Variants in MMP2 observed in about 807,000 individuals in gnomAD.
MMP2 encodes matrix metallopeptidase 2, also known as 72 kDa type IV collagenase.
Under a neutral mutation model 74.8 loss-of-function variants are expected in MMP2, and 39 were observed. The observed-to-expected ratio is 0.52, with a 90% CI of 0.40 to 0.68. The LOEUF (loss-of-function observed/expected upper bound fraction) is 0.68. Ranked by LOEUF, MMP2 falls within the 30% of genes least tolerant of loss-of-function variation. MMP2 has a pLI of 0.00. For synonymous variants in MMP2, 367 were observed against 339.8 expected (o/e 1.08, Z -0.88); for missense variants, 803 against 878.3 (o/e 0.91, Z 1.08).
chr16:55,496,382 A>G (rs1962529025), intron 9 of MMP2, among the ~76,000 whole-genome samples: 1 of 152,252 alleles, frequency 6.6e-6, no homozygotes, highest in African/African-American at 2.4e-5. Flanking sequence ...AATGCTAGGT[A>G]GACCATCCAG....
intron 11 of MMP2, among the ~76,000 whole-genome samples, chr16:55,500,538 C>CACACACACACACACACACACACACAG (rs1227112652): frequency 2.7e-5 from 4 of 147,620 alleles, no homozygotes; most frequent in African/African-American, 9.9e-5. Flanking sequence ...CACACACACA[C>CACACACACACACACACACACACACAG]AGGCATGGAG....
intron 12 of MMP2, among the ~76,000 whole-genome samples, chr16:55,505,019 A>G (rs1221424228): frequency 2.6e-5 from 4 of 151,776 alleles, no homozygotes; most frequent in Non-Finnish European, 5.9e-5. Flanking sequence ...AGGCACAATC[A>G]TAGCTCACTG....
intron 12 of MMP2, among the ~76,000 whole-genome samples, chr16:55,504,497 C>T (rs1400319359): frequency 6.6e-6 from 1 of 152,104 alleles, no homozygotes; most frequent in Non-Finnish European, 1.5e-5. Context: ...AATCTTTATC[C>T]TCATCTTAGA....
At chr16:55,503,853 G>A (rs569436024) in intron 12 of MMP2, among the ~76,000 whole-genome samples, 1 of 152,072 alleles carries the variant, frequency 6.6e-6, no homozygotes, top group Non-Finnish European at 1.5e-5. Context: ...AATTATTGGC[G>A]GGCAAGATTA....
chr16:55,488,859 T>C, intron 6 of MMP2, 143 bp downstream of exon 6: 2 of 865,394 alleles, frequency 2.3e-6, no homozygotes, highest in Admixed American at 2.1e-5. Context: ...CACACCAAGA[T>C]GTCCGTGTAG....
chr16:55,497,212 T>C, intron 10 of MMP2, 150 bp downstream of exon 10: 3 of 1,113,964 alleles, frequency 2.7e-6, no homozygotes, highest in South Asian at 1.3e-5. Context: ...TCTTTCAACA[T>C]TATTTCCTGA....
At chr16:55,492,348 G>C (rs1255688845) in intron 8 of MMP2, among the ~76,000 whole-genome samples, 1 of 151,942 alleles carries the variant, frequency 6.6e-6, no homozygotes, top group African/African-American at 2.4e-5. Flanking sequence ...ACAATACGGG[G>C]GTGGAAGTTT....
In MMP2 at chr16:55,498,458, G is replaced by A. The variant is rs201956873; in HGVS notation, c.1769+10G>A. The A allele has an allele frequency of 5.5e-4, 895 of 1,614,150 alleles. 13 individuals are homozygous for A. In the South Asian group the frequency reaches 5.9e-3, roughly 11 times the overall value. On this transcript the variant is annotated intron_variant, in intron 11 of 12. Coordinates refer to ENST00000219070, the MANE Select transcript of MMP2 (RefSeq NM_004530.6). ...GAGACAAATTCTGGAGGTAAGGGAG[G>A]GCGGTGGGTAGGACAGCAGCACAGT... is the stretch of plus-strand genomic sequence containing the variant.
chr16:55,485,446 G>T lies in MMP2; in HGVS notation c.658+19G>T. On this transcript the variant is annotated intron_variant, in intron 4 of 12. Coordinates refer to ENST00000219070, the MANE Select transcript of MMP2 (RefSeq NM_004530.6). ...GGCCAAGGTGAGAAAGGGGCCCTCT[G>T]CATGCCCCAGACCTTCTCTCCTGTC... 1 of 1,614,066 alleles carries T rather than the reference G, an allele frequency of 6.2e-7. No homozygotes were observed. Among genetic ancestry groups the T allele is most frequent in the Non-Finnish European group, 8.5e-7 (1 of 1,180,000 alleles).
chr16:55,489,242 G>A lies in MMP2; in HGVS notation c.1007-409G>A, dbSNP rs576536246. ...GCAGCATACACAGAGGTTGGTCTCT[G>A]CAAAGCCCTGCCCAAGGGGGCTCAC... On this transcript the variant is annotated intron_variant, in intron 6 of 12. Transcript: ENST00000219070. Among the ~76,000 whole-genome samples, 50 of 152,320 alleles carry A rather than the reference G, an allele frequency of 3.3e-4. 1 individual carries two copies. The highest frequency in any genetic ancestry group is 1.2e-3 in the South Asian group (6 of 4,824).
rs17859978 is a variant in MMP2 at position 55,497,691 on chromosome 16, A to G, written c.1610-598A>G. On this transcript the variant is annotated intron_variant, in intron 10 of 12. Coordinates refer to ENST00000219070, the MANE Select transcript of MMP2 (RefSeq NM_004530.6). ...TCATCAAGGTGAGGTCTGTATGGCT[A>G]AGGTTTACTCATTTAACATTTATTG... is the stretch of plus-strand genomic sequence containing the variant. Among the ~76,000 whole-genome samples, 1,034 of 152,350 alleles carry G rather than the reference A, an allele frequency of 6.8e-3. 10 individuals carry two copies. Among genetic ancestry groups the G allele is most frequent in the African/African-American group, 0.024 (982 of 41,576 alleles).
chr16:55,486,150 C>A (rs545952428), intron 5 of MMP2, among the ~76,000 whole-genome samples: 2 of 152,058 alleles, frequency 1.3e-5, no homozygotes, highest in African/African-American at 4.8e-5. Flanking sequence ...ACACTTCAGT[C>A]AAGATTGATA....
chr16:55,484,022 T>C lies in MMP2; in HGVS notation c.387T>C (p.Ile129=). The part of the protein sequence containing the change: ...WDKNQITYRI[I]GYTPDLDPET... The stretch of plus-strand genomic sequence containing the variant: ...GCAGTTCTACCACCTCCAGGATCAT[T>C]GGCTACACACCTGATCTGGACCCAG... Residue 129 remains isoleucine, a synonymous_variant, in exon 3 of 13, where the codon ATT becomes ATC. Coordinates refer to ENST00000219070, the MANE Select transcript of MMP2 (RefSeq NM_004530.6). 10 of 1,614,214 alleles carry C rather than the reference T, an allele frequency of 6.2e-6. No individual in the cohort carries two copies. Among genetic ancestry groups the C allele is most frequent in the Non-Finnish European group, 8.5e-6 (10 of 1,180,028 alleles).
In MMP2 at chr16:55,496,919, C is replaced by T; in HGVS notation, c.1473-7C>T. On this transcript the variant is annotated splice_region_variant and splice_polypyrimidine_tract_variant and intron_variant, in intron 9 of 12. Transcript: ENST00000219070. The stretch of plus-strand genomic sequence containing the variant: ...GTGGTTTCCTGTGCCCCCTTGCCTC[C>T]TGCCAGGTTCATTTGGCGGACTGTG... 6.2e-7 allele frequency: 1 copy of T among 1,613,870 alleles called. No homozygotes were observed. Among genetic ancestry groups the T allele is most frequent in the Non-Finnish European group, 8.5e-7 (1 of 1,180,036 alleles).
At chr16:55,497,164 A>G (rs1010964700) in intron 10 of MMP2, 102 bp downstream of exon 10, 40 of 1,504,464 alleles carry the variant, frequency 2.7e-5, no homozygotes, top group East Asian at 1.4e-4. Context: ...CACAGTTCCT[A>G]TGCACCCGTG....
chr16:55,479,339 G>C lies in MMP2; in HGVS notation c.-141G>C, dbSNP rs1962035521. On this transcript the variant is annotated 5_prime_UTR_variant, in exon 1 of 13. Coordinates refer to ENST00000219070, the MANE Select transcript of MMP2 (RefSeq NM_004530.6). Reference sequence around the variant, plus strand: ...GGGCCGGACCATGAGCCGCTGAGCCGGGCAAACCCCAGGCCACCGAGCCAG... The same window carrying C: ...GGGCCGGACCATGAGCCGCTGAGCCCGGCAAACCCCAGGCCACCGAGCCAG... 12 of 1,059,082 alleles carry C rather than the reference G, an allele frequency of 1.1e-5. No individual in the cohort carries two copies. The South Asian group carries it at 2.9e-4, about 26-fold the overall frequency. The allele number at this position is 1,059,082 out of a possible 1,614,324, so 65.6% of individuals were successfully genotyped here.
intron 1 of MMP2, chr16:55,481,915 T>C: frequency 1.4e-6 from 1 of 692,300 alleles, no homozygotes; most frequent in Non-Finnish European, 2.7e-6. Flanking sequence ...TATTCTATTA[T>C]ATTATTATTA....
chr16:55,505,304 T>G, intron 12 of MMP2, 35 bp from the exon 13 acceptor site: 3 of 1,548,624 alleles, frequency 1.9e-6, no homozygotes, highest in Non-Finnish European at 2.7e-6. Context: ...AATGTCAGGA[T>G]AAGGGGGTCA....
At chr16:55,492,048 A>G in intron 8 of MMP2, 92 bp downstream of exon 8, 2 of 1,304,512 alleles carry the variant, frequency 1.5e-6, no homozygotes, top group Non-Finnish European at 2.2e-6. Context: ...GACCAGCAAG[A>G]TCTCATCCAG....
Sources: gnomAD v4.1 joint callset for allele counts (sites outside exome capture counted in the v4.1 genomes callset) on GRCh38, gnomAD v4.1.1 for gene constraint, MANE v1.5 for transcripts, NCBI Gene and HGNC (gene_info 2026-07-23, HGNC 2026-07-21) for gene names.